The following TGFA variants were observed in gnomAD, a reference collection of about 807,000 sequenced individuals.
The protein encoded by TGFA is protransforming growth factor alpha.
In TGFA, 12 loss-of-function variants were observed where a neutral mutation model predicts 21.7. The ratio of observed to expected loss-of-function variants is 0.55; its 90% confidence interval spans 0.35 to 0.90. The LOEUF is 0.90. Ranked by LOEUF, TGFA falls within the 40% of genes least tolerant of loss-of-function variation. The pLI, the probability that TGFA is intolerant of heterozygous loss-of-function variation, is 0.01. For synonymous variants in TGFA, 79 were observed against 88.1 expected (o/e 0.90, Z 0.58); for missense variants, 178 against 210.8 (o/e 0.84, Z 0.96).
chr2:70,485,237 C>G (rs1671234357), intron 2 of TGFA, among the ~76,000 whole-genome samples: 1 of 152,076 alleles, frequency 6.6e-6, no homozygotes, highest in African/African-American at 2.4e-5. Flanking sequence ...CCTTCACAGT[C>G]ATCCCCCCCC....
chr2:70,479,542 G>T (rs1553495036), intron 2 of TGFA, among the ~76,000 whole-genome samples: 3 of 152,178 alleles, frequency 2.0e-5, no homozygotes, highest in Non-Finnish European at 4.4e-5. Context: ...TTCAGCTTAA[G>T]AAAGTTCTCT....
At chr2:70,498,492 G>A (rs1396430476) in intron 2 of TGFA, among the ~76,000 whole-genome samples, 4 of 152,158 alleles carry the variant, frequency 2.6e-5, no homozygotes, top group Admixed American at 2.6e-4. Context: ...TTTGGAACAG[G>A]CTGGAGAGAA....
intron 2 of TGFA, among the ~76,000 whole-genome samples, chr2:70,497,367 A>T (rs1671607533): frequency 6.6e-6 from 1 of 152,262 alleles, no homozygotes. Context: ...AGTATATGAC[A>T]TAGATCTTAA....
chr2:70,521,553 C>A (rs1672459784), intron 1 of TGFA, among the ~76,000 whole-genome samples: 1 of 149,616 alleles, frequency 6.7e-6, no homozygotes. Flanking sequence ...TTGAGTGACA[C>A]ACAATAAACA....
intron 2 of TGFA, among the ~76,000 whole-genome samples, chr2:70,501,434 T>A (rs1454986848): frequency 1.3e-5 from 2 of 152,140 alleles, no homozygotes; most frequent in African/African-American, 4.8e-5. Context: ...GGGCAATGAC[T>A]GTCCTTGGTT....
intron 1 of TGFA, among the ~76,000 whole-genome samples, chr2:70,552,712 C>T (rs1260833575): frequency 1.2e-4 from 18 of 152,224 alleles, no homozygotes; most frequent in African/African-American, 4.3e-4. Context: ...CGGCTCTGGG[C>T]ATTTCTGGGG....
intron 2 of TGFA, among the ~76,000 whole-genome samples, chr2:70,503,861 T>C (rs1671816997): frequency 1.3e-5 from 2 of 152,214 alleles, no homozygotes; most frequent in Non-Finnish European, 2.9e-5. Flanking sequence ...GTGAGCTCTG[T>C]GCACAGAATC....
rs139767260 is a variant in TGFA, at chr2:70,532,710, C to T, written c.41-17798G>A. On this transcript the variant is annotated intron_variant, in intron 1 of 5. Transcript: ENST00000295400. ...CATCCTCTCTTAGCCCATCCCCATC[C>T]GTGGCCTGTGAACAGTCACTGCTAG... Among the ~76,000 whole-genome samples, 613 of 152,316 alleles carry T rather than the reference C, an allele frequency of 4.0e-3. 3 individuals carry two copies. The highest frequency in any genetic ancestry group is 0.014 in the African/African-American group (566 of 41,578).
intron 1 of TGFA, among the ~76,000 whole-genome samples, chr2:70,517,426 G>C (rs1166678561): frequency 3.3e-5 from 5 of 152,186 alleles, no homozygotes; most frequent in Non-Finnish European, 7.3e-5. Flanking sequence ...ACAGGGCTCA[G>C]GTCTCTCACT....
chr2:70,542,059 A>G (rs781910143), intron 1 of TGFA, among the ~76,000 whole-genome samples: 10 of 152,204 alleles, frequency 6.6e-5, no homozygotes, highest in Non-Finnish European at 1.3e-4. Context: ...TAAGATGGAC[A>G]GGTTATGGCC....
chr2:70,514,934 G>A, intron 1 of TGFA, 22 bp from the exon 2 acceptor site: 2 of 1,612,648 alleles, frequency 1.2e-6, no homozygotes, highest in Non-Finnish European at 1.7e-6. Flanking sequence ...AGGAGAAGAG[G>A]GAAAAGGTCA....
chr2:70,457,762 G>C (rs988684434), intron 3 of TGFA, among the ~76,000 whole-genome samples: 1 of 152,000 alleles, frequency 6.6e-6, no homozygotes, highest in South Asian at 2.1e-4. Flanking sequence ...CGCTGGTCTC[G>C]AGCTCTTGAC....
At chr2:70,505,235 C>T (rs1441168931) in intron 2 of TGFA, among the ~76,000 whole-genome samples, 1 of 152,106 alleles carries the variant, frequency 6.6e-6, no homozygotes, top group Non-Finnish European at 1.5e-5. Flanking sequence ...TCTGTGGGGT[C>T]TCACACAATT....
intron 1 of TGFA, among the ~76,000 whole-genome samples, chr2:70,551,499 G>C (rs1371108824): frequency 6.6e-6 from 1 of 152,190 alleles, no homozygotes; most frequent in Non-Finnish European, 1.5e-5. Flanking sequence ...ATCTCGGGTA[G>C]CGATGGAACA....
At chr2:70,514,711 C>T (rs893173226) in intron 2 of TGFA, 148 bp downstream of exon 2, 14 of 853,150 alleles carry the variant, frequency 1.6e-5, no homozygotes, top group African/African-American at 6.7e-5. Flanking sequence ...AGCGCCTCCT[C>T]GCCCCTGAGG....
intron 1 of TGFA, among the ~76,000 whole-genome samples, chr2:70,533,891 A>T (rs1672894712): frequency 6.6e-6 from 1 of 152,032 alleles, no homozygotes; most frequent in Admixed American, 6.5e-5. Context: ...CCAGAAGCTC[A>T]TTCATTGCAA....
At chr2:70,549,691 G>C (rs572703559) in intron 1 of TGFA, among the ~76,000 whole-genome samples, 1 of 152,286 alleles carries the variant, frequency 6.6e-6, no homozygotes, top group African/African-American at 2.4e-5. Flanking sequence ...GCAAAGAGTA[G>C]GACCTTGTTC....
chr2:70,484,367 T>C (rs1215925399), intron 2 of TGFA, among the ~76,000 whole-genome samples: 1 of 152,240 alleles, frequency 6.6e-6, no homozygotes. Flanking sequence ...CCAGACAATA[T>C]TAATTTCTTA....
chr2:70,553,360 G>C, intron 1 of TGFA: 2 of 1,467,602 alleles, frequency 1.4e-6, no homozygotes, highest in Non-Finnish European at 1.8e-6. Context: ...ACACGCCAGC[G>C]ACGCCGGCTG....
Sources: gnomAD v4.1 joint callset for allele counts (sites outside exome capture counted in the v4.1 genomes callset) on GRCh38, gnomAD v4.1.1 for gene constraint, MANE v1.5 for transcripts, NCBI Gene and HGNC (gene_info 2026-07-23, HGNC 2026-07-21) for gene names.